The following VAMP4 variants were observed in gnomAD, a reference collection of about 807,000 sequenced individuals.
The protein encoded by VAMP4 is vesicle associated membrane protein 4, also known as vesicle-associated membrane protein 4.
Under a neutral mutation model 23.5 loss-of-function variants are expected in VAMP4, and 19 were observed. That is an observed-to-expected ratio of 0.81 (90% CI 0.56 to 1.19). The LOEUF is 1.19. VAMP4 is among the 50% of genes most tolerant of loss of function. The probability of loss-of-function intolerance (pLI) is 0.00; values close to 1 mark genes in which losing one functional copy is unlikely to be tolerated. For synonymous variants in VAMP4, 31 were observed against 51.0 expected (o/e 0.61, Z 1.67); for missense variants, 145 against 168.6 (o/e 0.86, Z 0.78).
intron 4 of VAMP4, among the ~76,000 whole-genome samples, chr1:171,716,215 A>G (rs946301024): frequency 2.6e-5 from 4 of 152,184 alleles, no homozygotes; most frequent in African/African-American, 9.6e-5. Flanking sequence ...GACCAAGACT[A>G]TAATTGGGAG....
In VAMP4 at chr1:171,709,669, C is replaced by T. The variant is rs899770691; in HGVS notation, c.341G>A (p.Cys114Tyr). Residue 114 changes from cysteine to tyrosine, a missense_variant, in exon 6 of 8, where the codon TGC becomes TAC. Physicochemically the swap from Cys to Tyr is radical, Grantham distance 194. Coordinates refer to ENST00000236192, the MANE Select transcript of VAMP4 (RefSeq NM_003762.5). ...QLRRQMWWRG[C>Y]KIKAIMALVA... ...AGTAGCTTCTGATTTACTTACTTTG[C>T]ATCCACGCCACCACATTTGCCTTCG... 6.2e-7 allele frequency: 1 copy of T among 1,612,724 alleles called. No homozygotes were observed. Among genetic ancestry groups the T allele is most frequent in the African/African-American group, 1.3e-5 (1 of 74,950 alleles).
chr1:171,735,336 C>G (rs946437584), intron 2 of VAMP4, among the ~76,000 whole-genome samples: 4 of 152,180 alleles, frequency 2.6e-5, no homozygotes, highest in African/African-American at 9.7e-5. Context: ...TATACTCTTG[C>G]ATACTATACA....
Position 171,701,289 on chromosome 1 carries a change from G to A in VAMP4, c.*3217C>T, listed in dbSNP as rs182731917. ...TAACAGAACAGTCATCCTTGACATA[G>A]TAATACTCTGACAATACAATTAAGG... On this transcript the variant is annotated 3_prime_UTR_variant, in exon 8 of 8. Coordinates refer to ENST00000236192, the MANE Select transcript of VAMP4 (RefSeq NM_003762.5). 1 of 152,264 alleles carries A rather than the reference G, an allele frequency of 6.6e-6. No homozygotes were observed. Among genetic ancestry groups the A allele is most frequent in the African/African-American group, 2.4e-5 (1 of 41,554 alleles). 9.4% of individuals were successfully genotyped at this position (152,264 alleles called of 1,614,324 possible).
chr1:171,706,683 T>C (rs1333423224), intron 6 of VAMP4, among the ~76,000 whole-genome samples: 1 of 152,054 alleles, frequency 6.6e-6, no homozygotes, highest in African/African-American at 2.4e-5. Context: ...TCTCATATAC[T>C]TTGAAAAAAA....
At chr1:171,705,914 C>CA (rs917700312) in intron 7 of VAMP4, among the ~76,000 whole-genome samples, 3 of 150,148 alleles carry the variant, frequency 2.0e-5, no homozygotes, top group Non-Finnish European at 4.5e-5. Context: ...AAAAACCAAA[C>CA]AAAAAAAAAT....
chr1:171,735,988 G>GC (rs1352461823), intron 2 of VAMP4, among the ~76,000 whole-genome samples: 2 of 152,080 alleles, frequency 1.3e-5, no homozygotes, highest in Admixed American at 1.3e-4. Context: ...CCAGATTCAA[G>GC]CAATTCTCCT....
rs1001361632 is a variant in VAMP4 at position 171,703,047 on chromosome 1, A to G, written c.*1459T>C. On this transcript the variant is annotated 3_prime_UTR_variant, in exon 8 of 8. Coordinates refer to ENST00000236192, the MANE Select transcript of VAMP4 (RefSeq NM_003762.5). ...AGATTCTATGCTTTATTCATTTTGC[A>G]TTAAGATGACCAAAGAAATAAAACC... 1.3e-5 allele frequency: 2 copies of G among 151,972 alleles called. No homozygotes were observed. The highest frequency in any genetic ancestry group is 2.9e-5 in the Non-Finnish European group (2 of 67,860). The allele number at this position is 151,972 out of a possible 1,614,324, so 9.4% of individuals were successfully genotyped here. A position where few individuals can be genotyped will look rare whatever the true frequency, so the allele number is the denominator to read the frequency against.
intron 4 of VAMP4, among the ~76,000 whole-genome samples, chr1:171,716,034 A>G (rs2124847380): frequency 6.6e-6 from 1 of 152,252 alleles, no homozygotes. Context: ...CCTGAAAGAA[A>G]ATATTTATTT....
intron 1 of VAMP4, among the ~76,000 whole-genome samples, chr1:171,739,605 G>A (rs1374129070): frequency 3.3e-5 from 5 of 152,168 alleles, no homozygotes; most frequent in African/African-American, 1.2e-4. Context: ...GAAGTGGGGG[G>A]AATCTTGTAG....
intron 2 of VAMP4, among the ~76,000 whole-genome samples, chr1:171,736,405 C>T (rs1391058873): frequency 6.6e-6 from 1 of 152,160 alleles, no homozygotes; most frequent in African/African-American, 2.4e-5. Context: ...TATTTCAAGG[C>T]ATTTCTCAAT....
At position 171,704,398 on chromosome 1, in the gene VAMP4, T is replaced by C; in HGVS notation, c.*108A>G. On this transcript the variant is annotated 3_prime_UTR_variant, in exon 8 of 8. Coordinates refer to ENST00000236192, the MANE Select transcript of VAMP4 (RefSeq NM_003762.5). ...GAAGTGATACTTGCCTCTTAGTTTC[T>C]TGAAAAAGAAGTTTTGAAAGTTATA... 2 of 896,158 alleles carry C rather than the reference T, an allele frequency of 2.2e-6. No individual in the cohort carries two copies. Among genetic ancestry groups the C allele is most frequent in the South Asian group, 3.6e-5 (1 of 28,072 alleles). The allele number at this position is 896,158 out of a possible 1,614,324, so 55.5% of individuals were successfully genotyped here. A position where few individuals can be genotyped will look rare whatever the true frequency, so the allele number is the denominator to read the frequency against.
intron 3 of VAMP4, among the ~76,000 whole-genome samples, chr1:171,724,904 A>G (rs753109545): frequency 5.9e-5 from 9 of 152,188 alleles, no homozygotes; most frequent in Non-Finnish European, 1.2e-4. Flanking sequence ...AGAGCCACAC[A>G]TATATAGTCA....
intron 3 of VAMP4, among the ~76,000 whole-genome samples, chr1:171,726,055 C>A (rs556155602): frequency 2.0e-5 from 3 of 151,338 alleles, no homozygotes; most frequent in African/African-American, 7.3e-5. Context: ...AAAAAAGTCA[C>A]ATTTTTTTTT....
chr1:171,731,226 T>C (rs1451321040), intron 2 of VAMP4, among the ~76,000 whole-genome samples: 1 of 151,804 alleles, frequency 6.6e-6, no homozygotes, highest in East Asian at 1.9e-4. Flanking sequence ...TGAGAACACA[T>C]GGACACAGGA....
chr1:171,706,381 A>G lies in VAMP4; in HGVS notation c.383T>C (p.Leu128Ser). Residue 128 changes from leucine (L) to serine (S), a missense_variant, in exon 7 of 8, where the codon TTG becomes TCG. Physicochemically the swap from Leu to Ser is moderately radical, Grantham distance 145. Transcript: ENST00000236192. ...AIMALVAAIL[L>S]LVIIILIVMK... Reference sequence around the variant, plus strand: ...TAAATACTTACTGATAATCACTAGCAAAAGGATAGCAGCAACCAAAGCCAT... The same window carrying G: ...TAAATACTTACTGATAATCACTAGCGAAAGGATAGCAGCAACCAAAGCCAT... 1 of 1,610,478 alleles carries G rather than the reference A, an allele frequency of 6.2e-7. No homozygotes were observed. Among genetic ancestry groups the G allele is most frequent in the South Asian group, 1.1e-5 (1 of 90,496 alleles).
At chr1:171,710,260 G>T (rs986323262) in intron 5 of VAMP4, among the ~76,000 whole-genome samples, 1 of 151,288 alleles carries the variant, frequency 6.6e-6, no homozygotes, top group African/African-American at 2.4e-5. Context: ...TATTTGAGTG[G>T]CAAGTACGTG....
intron 3 of VAMP4, among the ~76,000 whole-genome samples, chr1:171,720,702 G>T (rs1655164109): frequency 6.6e-6 from 1 of 151,928 alleles, no homozygotes. Context: ...GACTAGATTT[G>T]TTCAGTTGTC....
chr1:171,722,743 A>C (rs534506605), intron 3 of VAMP4, among the ~76,000 whole-genome samples: 62 of 152,342 alleles, frequency 4.1e-4, no homozygotes, highest in African/African-American at 1.3e-3. Context: ...GATCATTAAA[A>C]AGTCAGGAAA....
In VAMP4 at chr1:171,710,722, T is replaced by C; in HGVS notation, c.257A>G (p.Asp86Gly). Residue 86 changes from aspartate (D) to glycine (G), a missense_variant, in exon 5 of 8, where the codon GAC becomes GGC. Asp to Gly is a moderately conservative substitution (Grantham distance 94). Transcript: ENST00000236192. ...TACATGAAGATCTGTACCTGATTTG[T>C]CCTGTAGTTCATCTAGTCTCTCCCC... is the stretch of plus-strand genomic sequence containing the variant. The part of the protein sequence containing the change: ...ERGERLDELQ[D>G]KSESLSDNAT... 2 of 1,602,956 alleles carry C rather than the reference T, an allele frequency of 1.2e-6. No individual in the cohort carries two copies. Among genetic ancestry groups the C allele is most frequent in the Non-Finnish European group, 1.7e-6 (2 of 1,173,554 alleles).
Sources: allele counts gnomAD v4.1 joint callset (sites outside exome capture counted in the v4.1 genomes callset), GRCh38; gene constraint gnomAD v4.1.1; transcripts MANE v1.5; gene names NCBI Gene and HGNC (gene_info 2026-07-23, HGNC 2026-07-21).